Variants in SSH2 observed in about 807,000 individuals in gnomAD.
SSH2 encodes the protein slingshot protein phosphatase 2, also known as protein phosphatase Slingshot homolog 2.
In SSH2, 37 loss-of-function variants were observed where a neutral mutation model predicts 135.2. The observed-to-expected ratio is 0.27, with a 90% CI of 0.21 to 0.36. SSH2 has a LOEUF of 0.36. Ranked by LOEUF, SSH2 falls within the 10% of genes least tolerant of loss-of-function variation. SSH2 has a pLI of 1.00. For missense variants in SSH2, 1,408 were observed against 1,765.3 expected (o/e 0.80, Z 3.63); for synonymous variants, 628 against 646.2 (o/e 0.97, Z 0.43).
At chr17:29,752,827 C>T (rs562370741) in intron 3 of SSH2, among the ~76,000 whole-genome samples, 1 of 131,020 alleles carries the variant, frequency 7.6e-6, no homozygotes, top group Non-Finnish European at 1.6e-5. Context: ...GTCAGAAGCA[C>T]ACTCAAATCA....
chr17:29,762,507 G>A (rs1326536261), intron 3 of SSH2, among the ~76,000 whole-genome samples: 1 of 152,202 alleles, frequency 6.6e-6, no homozygotes, highest in Non-Finnish European at 1.5e-5. Flanking sequence ...TACAGATACA[G>A]TAACATTTAA....
chr17:29,763,620 G>T (rs557899271), intron 3 of SSH2, among the ~76,000 whole-genome samples: 36 of 152,112 alleles, frequency 2.4e-4, no homozygotes, highest in African/African-American at 8.0e-4. Flanking sequence ...TAGGACAGAT[G>T]ATGGCATGGT....
chr17:29,902,048 A>C (rs2066567425), intron 1 of SSH2, among the ~76,000 whole-genome samples: 1 of 151,962 alleles, frequency 6.6e-6, no homozygotes, highest in Admixed American at 6.6e-5. Flanking sequence ...TGGCCTTCCA[A>C]AGTGTTGGGA....
chr17:29,771,419 A>G (rs1188804419), intron 3 of SSH2, among the ~76,000 whole-genome samples: 1 of 152,180 alleles, frequency 6.6e-6, no homozygotes, highest in Non-Finnish European at 1.5e-5. Context: ...TATCTTTCTT[A>G]AGATATATCA....
chr17:29,759,715 C>T (rs554111328), intron 3 of SSH2, among the ~76,000 whole-genome samples: 91 of 152,274 alleles, frequency 6.0e-4, no homozygotes, highest in African/African-American at 2.1e-3. Context: ...AGAATAGTAT[C>T]TTCAAGGTCA....
At chr17:29,847,984 T>C (rs1011693192) in intron 2 of SSH2, among the ~76,000 whole-genome samples, 1 of 152,192 alleles carries the variant, frequency 6.6e-6, no homozygotes, top group Non-Finnish European at 1.5e-5. Context: ...CTGGGTACAC[T>C]ATCTATGAGT....
intron 1 of SSH2, among the ~76,000 whole-genome samples, chr17:29,889,551 A>C (rs2066308091): frequency 2.6e-5 from 4 of 152,080 alleles, no homozygotes. Context: ...CAAAAGCATG[A>C]ACAACAACAA....
chr17:29,805,841 A>ATG (rs1454751289), intron 2 of SSH2, among the ~76,000 whole-genome samples: 2 of 148,864 alleles, frequency 1.3e-5, no homozygotes, highest in Non-Finnish European at 3.0e-5. Flanking sequence ...GGAGAGCAGT[A>ATG]TGATCATAGA....
intron 1 of SSH2, among the ~76,000 whole-genome samples, chr17:29,875,983 CA>C (rs547629204): frequency 0.065 from 4,632 of 71,698 alleles, 189 homozygotes; most frequent in African/African-American, 0.17. Context: ...AAGAGGACAC[CA>C]AAAAAAAAAA....
intron 2 of SSH2, among the ~76,000 whole-genome samples, chr17:29,811,322 T>TA (rs1408782574): frequency 3.9e-5 from 6 of 152,024 alleles, no homozygotes; most frequent in African/African-American, 1.4e-4. Flanking sequence ...TACATTTGAT[T>TA]ATATTATATA....
chr17:29,731,521 T>C (rs1567925577), intron 3 of SSH2, among the ~76,000 whole-genome samples: 3 of 152,000 alleles, frequency 2.0e-5, no homozygotes, highest in Non-Finnish European at 4.4e-5. Flanking sequence ...AGTGGCACGA[T>C]CTCGGCTCAC....
chr17:29,839,996 T>G (rs1240662022), intron 2 of SSH2, among the ~76,000 whole-genome samples: 1 of 152,192 alleles, frequency 6.6e-6, no homozygotes, highest in Non-Finnish European at 1.5e-5. Context: ...TTTAGTACAA[T>G]GGGTGTCACA....
chr17:29,828,170 G>C (rs1400189994), intron 2 of SSH2, among the ~76,000 whole-genome samples: 1 of 152,202 alleles, frequency 6.6e-6, no homozygotes, highest in Non-Finnish European at 1.5e-5. Flanking sequence ...ATCACAGGAA[G>C]TCTTTAACAA....
At chr17:29,842,541 T>C (rs1337674534) in intron 2 of SSH2, among the ~76,000 whole-genome samples, 6 of 151,684 alleles carry the variant, frequency 4.0e-5, no homozygotes, top group Admixed American at 1.3e-4. Context: ...ATTTCAAAAA[T>C]AGCCTTTGTA....
At chr17:29,643,745 C>T (rs748243774) in intron 14 of SSH2, among the ~76,000 whole-genome samples, 1 of 152,138 alleles carries the variant, frequency 6.6e-6, no homozygotes, top group Non-Finnish European at 1.5e-5. Context: ...CCACCCGCCT[C>T]GGCCTCCCAA....
intron 1 of SSH2, among the ~76,000 whole-genome samples, chr17:29,878,309 C>G (rs1381448762): frequency 6.6e-6 from 1 of 152,022 alleles, no homozygotes; most frequent in African/African-American, 2.4e-5. Flanking sequence ...TGTCTGTAAT[C>G]CTAGCTACTC....
chr17:29,726,133 C>T (rs2039996320), intron 3 of SSH2, among the ~76,000 whole-genome samples: 1 of 152,150 alleles, frequency 6.6e-6, no homozygotes, highest in South Asian at 2.1e-4. Context: ...CCGCCCTCTC[C>T]AGAAGAGAGG....
At chr17:29,703,698 C>T (rs565161415) in intron 3 of SSH2, among the ~76,000 whole-genome samples, 132 of 152,106 alleles carry the variant, frequency 8.7e-4, no homozygotes, top group Non-Finnish European at 1.6e-3. Flanking sequence ...CCTGCCTCAG[C>T]CTCCTGAGTA....
At chr17:29,910,186 T>C (rs1280307679) in intron 1 of SSH2, among the ~76,000 whole-genome samples, 1 of 152,098 alleles carries the variant, frequency 6.6e-6, no homozygotes, top group Non-Finnish European at 1.5e-5. Flanking sequence ...CCTGAAGCAA[T>C]CCTCCTCTCA....
Sources: allele counts gnomAD v4.1 joint callset (sites outside exome capture counted in the v4.1 genomes callset), GRCh38; gene constraint gnomAD v4.1.1; transcripts MANE v1.5; gene names NCBI Gene and HGNC (gene_info 2026-07-23, HGNC 2026-07-21).